The following KHDC4 variants were observed in gnomAD, a reference collection of about 807,000 sequenced individuals.
The protein encoded by KHDC4 is KH domain containing 4, pre-mRNA splicing factor, also known as KH homology domain-containing protein 4.
In KHDC4, 19 loss-of-function variants were observed where a neutral mutation model predicts 74.5. The ratio of observed to expected loss-of-function variants is 0.26; its 90% CI spans 0.18 to 0.37. The LOEUF is 0.37. Among genes scored for constraint, KHDC4 ranks in the 10% least tolerant of loss-of-function variants. The probability of loss-of-function intolerance (pLI) is 1.00; values close to 1 mark genes in which losing one functional copy is unlikely to be tolerated. For synonymous variants in KHDC4, 253 were observed against 266.1 expected, an observed-to-expected ratio of 0.95 and a Z score of 0.48; for missense variants, 632 against 754.1, an observed-to-expected ratio of 0.84 and a Z score of 1.90.
intron 6 of KHDC4, chr1:155,926,403 C>A: frequency 2.5e-6 from 1 of 397,478 alleles, no homozygotes; most frequent in Non-Finnish European, 4.6e-6. Flanking sequence ...GGTCTCAGCT[C>A]CCTGCAACCT....
rs748469942 is a variant in KHDC4, at chr1:155,914,145, CTGT to C, written c.1818_1820del (p.Gln607del). ...CCTAGGGAGCCATCCAGAATGGCAT[CTGT>C]TGTTTAGCTCGTGGTTGTGATGAAG... is the stretch of plus-strand genomic sequence containing the variant. On this transcript the variant is annotated inframe_deletion, in exon 14 of 14. Coordinates refer to ENST00000368321, the MANE Select transcript of KHDC4 (RefSeq NM_014949.4). The C allele has an allele frequency of 6.2e-7, 1 of 1,614,148 alleles. No homozygotes were observed. Among genetic ancestry groups the C allele is most frequent in the Non-Finnish European group, 8.5e-7 (1 of 1,180,006 alleles).
intron 7 of KHDC4, 103 bp downstream of exon 7, chr1:155,925,529 A>T: frequency 3.7e-6 from 3 of 820,396 alleles, no homozygotes; most frequent in Non-Finnish European, 6.2e-6. Flanking sequence ...ATCCCTCATT[A>T]CTATTAATTA....
rs781648587 is a variant in KHDC4 at position 155,927,135 on chromosome 1, A to G, written c.486T>C (p.His162=). 6.8e-6 allele frequency: 11 copies of G among 1,613,964 alleles called. No homozygotes were observed. Among genetic ancestry groups the G allele is most frequent in the South Asian group, 1.1e-5 (1 of 91,094 alleles). ...CTAATTCCCGTGTCTGGCCCTGAACATGAAGATATAATGGACGATCCCTAT... is the reference window on the plus strand; with the variant it reads ...CTAATTCCCGTGTCTGGCCCTGAACGTGAAGATATAATGGACGATCCCTAT... The part of the protein sequence containing the change: ...VGPGDRPLYL[H]VQGQTRELVD... Residue 162 remains histidine (H), a synonymous_variant, in exon 5 of 14, where the codon CAT becomes CAC. Transcript: ENST00000368321.
Position 155,922,165 on chromosome 1 carries a change from TGA to T in KHDC4, c.955-249_955-248del, listed in dbSNP as rs568448589. Among the ~76,000 whole-genome samples, 734 of 78,384 alleles carry T rather than the reference TGA, an allele frequency of 9.4e-3. 1 individual carries two copies. Among genetic ancestry groups the T allele is most frequent in the Non-Finnish European group, 0.016 (555 of 34,158 alleles). 51.4% of individuals were successfully genotyped at this position (78,384 alleles called of 152,430 possible). A position where few individuals can be genotyped will look rare whatever the true frequency, so the allele number is the denominator to read the frequency against. ...CAAATCTTTTTTTTTTTTTTTTTTT[TGA>T]GACAGTCTCACTCTGTCACCCAGGG... is the stretch of plus-strand genomic sequence containing the variant. On this transcript the variant is annotated intron_variant, in intron 8 of 13. Coordinates refer to ENST00000368321, the MANE Select transcript of KHDC4 (RefSeq NM_014949.4).
intron 1 of KHDC4, 89 bp from the exon 2 acceptor site, chr1:155,933,938 C>T (rs1385787692): frequency 9.7e-7 from 1 of 1,031,204 alleles, no homozygotes; most frequent in Non-Finnish European, 1.4e-6. Flanking sequence ...CATTTTCCCT[C>T]TATTATATTC....
intron 2 of KHDC4, among the ~76,000 whole-genome samples, chr1:155,931,323 A>C (rs867402247): frequency 6.7e-6 from 1 of 149,648 alleles, no homozygotes. Context: ...GAAAGACAGA[A>C]AGAAAGAAAG....
intron 7 of KHDC4, among the ~76,000 whole-genome samples, chr1:155,924,049 G>A (rs887678697): frequency 6.6e-6 from 1 of 152,154 alleles, no homozygotes; most frequent in Non-Finnish European, 1.5e-5. Flanking sequence ...CGGGCGTGGT[G>A]GTTCACGCCT....
intron 10 of KHDC4, chr1:155,919,990 TG>T (rs766989152): frequency 6.8e-4 from 354 of 518,378 alleles, no homozygotes; most frequent in Non-Finnish European, 1.0e-3. Flanking sequence ...TGCTATGGCA[TG>T]GGTACACTAT....
chr1:155,920,048 T>G (rs1673823134), intron 10 of KHDC4: 1 of 506,970 alleles, frequency 2.0e-6, no homozygotes, highest in African/African-American at 2.0e-5. Context: ...TACCATGCTC[T>G]CATTAAGTCT....
chr1:155,925,442 C>T (rs1210667027), intron 7 of KHDC4, among the ~76,000 whole-genome samples, 190 bp downstream of exon 7: 1 of 152,170 alleles, frequency 6.6e-6, no homozygotes, highest in African/African-American at 2.4e-5. Flanking sequence ...GTTGGGATTA[C>T]AGGCATGAGC....
chr1:155,921,278 A>C (rs2102600393), intron 10 of KHDC4, 97 bp downstream of exon 10: 1 of 1,404,930 alleles, frequency 7.1e-7, no homozygotes, highest in Non-Finnish European at 9.9e-7. Context: ...AAGACATTCC[A>C]CATCACATGA....
rs1674187970 is a variant in KHDC4, at chr1:155,933,516, C to T, written c.255+117G>A. ...GGTCAGGCTGGTCTCAAACTCCTGA[C>T]CTTGTGATCCACCCGCCTCGGCCTC... On this transcript the variant is annotated intron_variant, in intron 2 of 13. Transcript: ENST00000368321. The T allele has an allele frequency of 8.6e-6, 6 of 699,920 alleles. No individual in the cohort carries two copies. The East Asian group carries it at 1.7e-4, about 20-fold the overall frequency. The allele number at this position is 699,920 out of a possible 1,614,324, so 43.4% of individuals were successfully genotyped here.
At position 155,930,925 on chromosome 1, in the gene KHDC4, T is replaced by C. The variant is rs539780272; in HGVS notation, c.256-1085A>G. 6.6e-5 allele frequency among the ~76,000 whole-genome samples: 10 copies of C among 152,192 alleles called. No homozygotes were observed. In the South Asian group the frequency reaches 1.7e-3, roughly 25 times the overall value. ...GCTACTCCGGAGGCTCAGGCAGAAT[T>C]GCTTGAAGCCGGGAGGCAGAGGTTG... is the stretch of plus-strand genomic sequence containing the variant. On this transcript the variant is annotated intron_variant, in intron 2 of 13. Transcript: ENST00000368321.
At chr1:155,915,178 G>C (rs1448357816) in intron 13 of KHDC4, 1 of 151,990 alleles carries the variant, frequency 6.6e-6, no homozygotes, top group Non-Finnish European at 1.5e-5. Context: ...GGAATGCAGT[G>C]GTGTGATCTT....
At chr1:155,926,308 G>A (rs1214969976) in intron 6 of KHDC4, among the ~76,000 whole-genome samples, 3 of 132,156 alleles carry the variant, frequency 2.3e-5, no homozygotes, top group Admixed American at 7.5e-5. Context: ...TTTTTTCTTT[G>A]TATGTATTAC....
chr1:155,925,321 G>A (rs1369891112), intron 7 of KHDC4, among the ~76,000 whole-genome samples: 2 of 151,910 alleles, frequency 1.3e-5, no homozygotes, highest in East Asian at 1.9e-4. Flanking sequence ...GTGAGCCACC[G>A]TGCCCGCCTA....
intron 2 of KHDC4, chr1:155,932,568 A>G (rs1258977560): frequency 6.6e-6 from 1 of 152,222 alleles, no homozygotes; most frequent in Non-Finnish European, 1.5e-5. Context: ...TAACATCAGT[A>G]TTAAAAATCT....
intron 7 of KHDC4, 24 bp from the exon 8 acceptor site, chr1:155,923,711 CA>C: frequency 6.4e-7 from 1 of 1,574,556 alleles, no homozygotes; most frequent in Non-Finnish European, 8.7e-7. Context: ...ACCAGGAATT[CA>C]AAGGAGAGAA....
rs1673864669 is a variant in KHDC4 at position 155,921,594 on chromosome 1, A to T, written c.1047T>A (p.Pro349=). ...YTQPSAISSV[P]PQPPYYPSNG... is the part of the protein sequence containing the mutation. The stretch of plus-strand genomic sequence containing the variant: ...TGGATGGATAATATGGTGGTTGAGG[A>T]GGGACACTACTTATAGCAGAGGGTT... Residue 349 remains proline (P), a synonymous_variant, in exon 10 of 14, where the codon CCT becomes CCA. Coordinates refer to ENST00000368321, the MANE Select transcript of KHDC4 (RefSeq NM_014949.4). 6.2e-7 allele frequency: 1 copy of T among 1,614,008 alleles called. No individual in the cohort carries two copies. The highest frequency in any genetic ancestry group is 1.3e-5 in the African/African-American group (1 of 74,906).
Sources: allele counts gnomAD v4.1 joint callset (sites outside exome capture counted in the v4.1 genomes callset), GRCh38; gene constraint gnomAD v4.1.1; transcripts MANE v1.5; gene names NCBI Gene and HGNC (gene_info 2026-07-23, HGNC 2026-07-21).